The following CACNG8 variants were observed in gnomAD, a reference collection of about 807,000 sequenced individuals.
The protein encoded by CACNG8 is voltage-dependent calcium channel gamma-8 subunit.
CACNG8 carries 5 observed loss-of-function variants against 26.9 expected under a neutral mutation model. The ratio of observed to expected loss-of-function variants is 0.19; its 90% confidence interval spans 0.10 to 0.39. The LOEUF (loss-of-function observed/expected upper bound fraction) is 0.39, where lower values mean the gene tolerates loss of function less well. Ranked by LOEUF, CACNG8 falls within the 10% of genes least tolerant of loss-of-function variation. The pLI is 1.00. For missense variants in CACNG8, 473 were observed against 609.4 expected, an observed-to-expected ratio of 0.78 and a Z score of 2.36; for synonymous variants, 321 against 296.7, an observed-to-expected ratio of 1.08 and a Z score of -0.84.
At chr19:53,978,884 GAGGA>G (rs1157785065) in intron 2 of CACNG8, among the ~76,000 whole-genome samples, 1 of 146,208 alleles carries the variant, frequency 6.8e-6, no homozygotes, top group African/African-American at 2.5e-5. Context: ...GGGAGGGAAG[GAGGA>G]AGGGAGAGGA....
At chr19:53,971,257 T>A (rs113925263) in intron 1 of CACNG8, among the ~76,000 whole-genome samples, 10,654 of 144,018 alleles carry the variant, frequency 0.074, 430 homozygotes, top group African/African-American at 0.11. Flanking sequence ...GTGCCACTGC[T>A]CTCCAGCCTG....
Position 53,982,582 on chromosome 19 carries a change from C to T in CACNG8, c.1011C>T (p.Gly337=), listed in dbSNP as rs1268248970. ...GCGGCGGCGCCGTGGGGGCGTTCGGCGGCGCGGCCGGGGGCGCCGGGGGCG... is the reference window on the plus strand; with the variant it reads ...GCGGCGGCGCCGTGGGGGCGTTCGGTGGCGCGGCCGGGGGCGCCGGGGGCG... Residue 337 remains glycine, a synonymous_variant, in exon 4 of 4, where the codon GGC becomes GGT. Transcript: ENST00000270458. This position sits in a 1 kb window ranked among gnomAD's most constrained non-coding sequence, Gnocchi z 8.4. 5.1e-6 allele frequency: 5 copies of T among 975,658 alleles called. No individual in the cohort carries two copies. Among genetic ancestry groups the T allele is most frequent in the Non-Finnish European group, 4.9e-6 (4 of 824,204 alleles). 60.4% of individuals were successfully genotyped at this position (975,658 alleles called of 1,614,324 possible). A position where few individuals can be genotyped will look rare whatever the true frequency, so the allele number is the denominator to read the frequency against.
At position 53,982,249 on chromosome 19, in the gene CACNG8, C is replaced by G. The variant is rs200225520; in HGVS notation, c.678C>G (p.Ile226Met). ...TGATAGGCGTGCTGGCCGTCAACAT[C>G]TACATCGAGCGCAGCCGCGAGGCGC... The change falls in exon 4 of 4, where the codon ATC (isoleucine) becomes ATG (methionine). Residue 226 changes from isoleucine to methionine, a missense_variant. By Grantham distance (10) the Ile-to-Met change is conservative. Transcript: ENST00000270458. This position sits in a 1 kb window ranked among gnomAD's most constrained non-coding sequence, Gnocchi z 8.4. 1.2e-6 allele frequency: 2 copies of G among 1,612,630 alleles called. No individual in the cohort carries two copies. Among genetic ancestry groups the G allele is most frequent in the Admixed American group, 1.7e-5 (1 of 59,930 alleles).
At chr19:53,973,155 A>G (rs1475026767) in intron 1 of CACNG8, among the ~76,000 whole-genome samples, 3 of 152,214 alleles carry the variant, frequency 2.0e-5, no homozygotes, top group Non-Finnish European at 4.4e-5. Flanking sequence ...CCGGTGTGCC[A>G]TGTGGTTTAC....
In CACNG8 at chr19:53,987,319, C is replaced by T. The variant is rs1478067635; in HGVS notation, c.*4470C>T. The T allele has an allele frequency of 6.6e-6, 1 of 152,276 alleles. No homozygotes were observed. The highest frequency in any genetic ancestry group is 2.4e-5 in the African/African-American group (1 of 41,462). 9.4% of individuals were successfully genotyped at this position (152,276 alleles called of 1,614,324 possible). ...TCCTGGCTTCAAATGATCCACCTGC[C>T]TCGGCCTCCCAAAATGCTGGGATTA... On this transcript the variant is annotated 3_prime_UTR_variant, in exon 4 of 4. Transcript: ENST00000270458.
chr19:53,963,970 T>A (rs1473669957), intron 1 of CACNG8, among the ~76,000 whole-genome samples: 2 of 151,958 alleles, frequency 1.3e-5, no homozygotes, highest in South Asian at 4.1e-4. Context: ...CCCAGCTAAT[T>A]TTTTTTATTA....
chr19:53,969,708 C>A (rs1242369178), intron 1 of CACNG8, among the ~76,000 whole-genome samples: 1 of 152,158 alleles, frequency 6.6e-6, no homozygotes, highest in Non-Finnish European at 1.5e-5. Context: ...CTCCTGGGAA[C>A]CCTTGGGCTC....
At chr19:53,980,819 G>A (rs2069362269) in intron 3 of CACNG8, among the ~76,000 whole-genome samples, 1 of 152,172 alleles carries the variant, frequency 6.6e-6, no homozygotes, top group African/African-American at 2.4e-5. Context: ...TTTCTACCCC[G>A]TATGAGTAGC....
At chr19:53,975,196 C>T (rs1410544139) in intron 1 of CACNG8, among the ~76,000 whole-genome samples, 1 of 152,046 alleles carries the variant, frequency 6.6e-6, no homozygotes, top group Non-Finnish European at 1.5e-5. Context: ...GATCCACCCA[C>T]CTCAGCCTCC....
chr19:53,982,807 C>A lies in CACNG8; in HGVS notation c.1236C>A (p.Ala412=). The A allele has an allele frequency of 7.3e-7, 1 of 1,374,414 alleles. No individual in the cohort carries two copies. The highest frequency in any genetic ancestry group is 9.5e-7 in the Non-Finnish European group (1 of 1,057,640). The allele number at this position is 1,374,414 out of a possible 1,614,324, so 85.1% of individuals were successfully genotyped here. A position where few individuals can be genotyped will look rare whatever the true frequency, so the allele number is the denominator to read the frequency against. ...GGACCCTGGCCAAGGAGGCCGCCGC[C>A]TCCAACACCAACACGCTCAACAGGA... Residue 412 remains alanine, a synonymous_variant, in exon 4 of 4, where the codon GCC becomes GCA. Transcript: ENST00000270458. The surrounding 1 kb of genome is among the most constrained non-coding windows in gnomAD (Gnocchi z 8.4).
At position 53,965,121 on chromosome 19, in the gene CACNG8, C is replaced by T. The variant is rs146033339; in HGVS notation, c.283+1696C>T. 3.9e-5 allele frequency among the ~76,000 whole-genome samples: 6 copies of T among 152,220 alleles called. No homozygotes were observed. The East Asian group carries it at 9.6e-4, about 24-fold the overall frequency. Reference sequence around the variant, plus strand: ...AAGGTCACCTAGCTGAGAAAGGGGCCGAGCCAAGAGCAGAACTCGAATCTC... The same window carrying T: ...AAGGTCACCTAGCTGAGAAAGGGGCTGAGCCAAGAGCAGAACTCGAATCTC... On this transcript the variant is annotated intron_variant, in intron 1 of 3. Coordinates refer to ENST00000270458, the MANE Select transcript of CACNG8 (RefSeq NM_031895.6).
chr19:53,963,552 T>C, intron 1 of CACNG8, 127 bp downstream of exon 1: 3 of 924,236 alleles, frequency 3.2e-6, no homozygotes, highest in African/African-American at 1.8e-5. Context: ...CCAGAGGGGC[T>C]TCTGCGCCTT....
intron 1 of CACNG8, among the ~76,000 whole-genome samples, chr19:53,965,836 A>T (rs528686016): frequency 3.3e-5 from 5 of 152,020 alleles, no homozygotes; most frequent in Non-Finnish European, 7.4e-5. Flanking sequence ...GGAATCTAGG[A>T]AAAGCTTCCC....
chr19:53,966,826 C>T (rs920278690), intron 1 of CACNG8, among the ~76,000 whole-genome samples: 4 of 152,150 alleles, frequency 2.6e-5, no homozygotes, highest in Non-Finnish European at 4.4e-5. Flanking sequence ...GCTGTGTTAA[C>T]AAATGACCGA....
In CACNG8 at chr19:53,987,429, C is replaced by T. The variant is rs578261894; in HGVS notation, c.*4580C>T. 1 of 152,660 alleles carries T rather than the reference C, an allele frequency of 6.6e-6. No homozygotes were observed. The highest frequency in any genetic ancestry group is 1.9e-4 in the East Asian group (1 of 5,186). The allele number at this position is 152,660 out of a possible 1,614,324, so 9.5% of individuals were successfully genotyped here. A position where few individuals can be genotyped will look rare whatever the true frequency, so the allele number is the denominator to read the frequency against. On this transcript the variant is annotated 3_prime_UTR_variant, in exon 4 of 4. Transcript: ENST00000270458. ...CATTGCTGTGCTGAGCATACGTAGA[C>T]TTCAGGAGTCAAAGGGGAAGGAAGG...
chr19:53,982,755 C>T lies in CACNG8; in HGVS notation c.1184C>T (p.Pro395Leu), dbSNP rs1324337930. 57 of 1,213,814 alleles carry T rather than the reference C, an allele frequency of 4.7e-5. No individual in the cohort carries two copies. The highest frequency in any genetic ancestry group is 5.5e-5 in the Non-Finnish European group (54 of 981,108). The allele number at this position is 1,213,814 out of a possible 1,614,324, so 75.2% of individuals were successfully genotyped here. A position where few individuals can be genotyped will look rare whatever the true frequency, so the allele number is the denominator to read the frequency against. Residue 395 changes from proline (P) to leucine (L), a missense_variant, in exon 4 of 4, where the codon CCA becomes CTA. Pro to Leu is a moderately conservative substitution (Grantham distance 98). Around this residue, in one of 6 missense-constraint regions of CACNG8, gnomAD observed 212 missense variants for 214.4 expected, o/e 0.99. Coordinates refer to ENST00000270458, the MANE Select transcript of CACNG8 (RefSeq NM_031895.6). This position sits in a 1 kb window ranked among gnomAD's most constrained non-coding sequence, Gnocchi z 8.4. ...CCGCCCGCCCCGCCCGCGCCCGCGCCACCCGCGCCCTCTGCGCCCGCCCCC... is the reference window on the plus strand; with the variant it reads ...CCGCCCGCCCCGCCCGCGCCCGCGCTACCCGCGCCCTCTGCGCCCGCCCCC...
At position 53,982,394 on chromosome 19, in the gene CACNG8, C is replaced by T. The variant is rs1331737561; in HGVS notation, c.823C>T (p.Arg275Cys). The change falls in exon 4 of 4, where the codon CGC becomes TGC. Residue 275 changes from arginine to cysteine, a missense_variant. Physicochemically the swap from Arg to Cys is radical, Grantham distance 180. This residue lies in a region of CACNG8 where 155 missense variants were observed against 253.0 expected (regional missense o/e 0.61). Coordinates refer to ENST00000270458, the MANE Select transcript of CACNG8 (RefSeq NM_031895.6). This position sits in a 1 kb window ranked among gnomAD's most constrained non-coding sequence, Gnocchi z 8.4. ...CCGCTTCCGCTACCGCCGCCGCTCC[C>T]GCTCTAGCTCCCGCTCCAGCGAGCC... The T allele has an allele frequency of 1.2e-5, 19 of 1,526,590 alleles. No homozygotes were observed. The highest frequency in any genetic ancestry group is 1.6e-5 in the Non-Finnish European group (18 of 1,143,028). 94.6% of individuals were successfully genotyped at this position (1,526,590 alleles called of 1,614,324 possible).
intron 1 of CACNG8, among the ~76,000 whole-genome samples, chr19:53,968,625 G>A (rs1425275381): frequency 6.6e-6 from 1 of 151,788 alleles, no homozygotes; most frequent in Non-Finnish European, 1.5e-5. Context: ...AAAATTAGCC[G>A]GGCGTGGTGG....
intron 1 of CACNG8, among the ~76,000 whole-genome samples, chr19:53,968,406 G>A (rs1200519382): frequency 6.6e-6 from 1 of 151,532 alleles, no homozygotes; most frequent in Non-Finnish European, 1.5e-5. Flanking sequence ...AGAGAGAAGA[G>A]ACCAGAACAA....
Sources: allele counts gnomAD v4.1 joint callset (sites outside exome capture counted in the v4.1 genomes callset), GRCh38; gene constraint gnomAD v4.1.1; regional missense constraint gnomAD v4.1.1; non-coding constraint Gnocchi (gnomAD v3.1); transcripts MANE v1.5; gene names NCBI Gene and HGNC (gene_info 2026-07-23, HGNC 2026-07-21).